Variants in TK1 observed in about 807,000 individuals in gnomAD.
TK1 encodes thymidine kinase 1.
In TK1, 13 loss-of-function variants were observed where a neutral mutation model predicts 22.4. That is an observed-to-expected ratio of 0.58 (90% CI 0.38 to 0.92). The LOEUF (loss-of-function observed/expected upper bound fraction) is 0.92, where lower values mean the gene tolerates loss of function less well. Ranked by LOEUF, TK1 falls within the 40% of genes least tolerant of loss-of-function variation. The probability of loss-of-function intolerance (pLI) is 0.00; values close to 1 mark genes in which losing one functional copy is unlikely to be tolerated. For synonymous variants in TK1, 134 were observed against 125.4 expected, an observed-to-expected ratio of 1.07 and a Z score of -0.46; for missense variants, 251 against 315.7, an observed-to-expected ratio of 0.80 and a Z score of 1.55.
chr17:78,181,290 G>A (rs954145039), intron 4 of TK1, among the ~76,000 whole-genome samples: 2 of 151,948 alleles, frequency 1.3e-5, no homozygotes, highest in Admixed American at 6.6e-5. Flanking sequence ...GCTCATGCCT[G>A]TAATTCCAAC....
In TK1 at chr17:78,185,053, A is replaced by T. The variant is rs1477862487; in HGVS notation, c.209+2T>A. ...ACAGGACTGCAGGGGGCAGGGACTG[A>T]CCGGTCATGTGTGCAGAAGCTGCTG... is the stretch of plus-strand genomic sequence containing the variant. On this transcript the variant is annotated splice_donor_variant, in intron 3 of 6. Transcript: ENST00000301634. LOFTEE classifies it high-confidence loss of function. The T allele has an allele frequency of 1.2e-6, 2 of 1,612,368 alleles. No homozygotes were observed. Among genetic ancestry groups the T allele is most frequent in the Non-Finnish European group, 1.7e-6 (2 of 1,179,394 alleles).
At chr17:78,187,071 C>A (rs2075813436), upstream of TK1, 5 of 1,465,136 alleles carry the variant, frequency 3.4e-6, no homozygotes, top group South Asian at 2.4e-5. Flanking sequence ...CCGCGCCGAC[C>A]GCTTTAAACC....
chr17:78,177,157 T>G (rs1373707110), intron 4 of TK1, among the ~76,000 whole-genome samples: 1 of 152,160 alleles, frequency 6.6e-6, no homozygotes, highest in Non-Finnish European at 1.5e-5. Context: ...CCTCCCAAAG[T>G]GCTGGGATCA....
At chr17:78,179,739 A>G in intron 4 of TK1, 1 of 985,366 alleles carries the variant, frequency 1.0e-6, no homozygotes, top group South Asian at 4.7e-5. Flanking sequence ...AGCACTCACC[A>G]AACCAACTCA....
intron 2 of TK1, 28 bp downstream of exon 2, chr17:78,186,759 C>T: frequency 6.4e-7 from 1 of 1,572,298 alleles, no homozygotes; most frequent in Non-Finnish European, 8.6e-7. Flanking sequence ...GAGGAAGGAG[C>T]TCCACCCCAG....
intron 4 of TK1, among the ~76,000 whole-genome samples, chr17:78,180,594 T>G (rs1252092522): frequency 6.6e-6 from 1 of 152,188 alleles, no homozygotes; most frequent in Non-Finnish European, 1.5e-5. Flanking sequence ...AGGAACATAA[T>G]GGAAGGAACA....
upstream of TK1, chr17:78,187,177 C>T (rs897246001): frequency 1.9e-5 from 17 of 894,266 alleles, no homozygotes; most frequent in Admixed American, 3.2e-4. Flanking sequence ...CAGCCCGCCC[C>T]CTCGTGGGAG....
intron 4 of TK1, among the ~76,000 whole-genome samples, chr17:78,177,299 C>T (rs982210265): frequency 1.3e-5 from 2 of 152,222 alleles, no homozygotes; most frequent in Non-Finnish European, 2.9e-5. Flanking sequence ...AATTCCACAC[C>T]TGACCTCATG....
Position 78,175,591 on chromosome 17 carries a change from CCTCGCAGAA to C in TK1, c.322_330del (p.Phe108_Glu110del), listed in dbSNP as rs2075693073. The stretch of plus-strand genomic sequence containing the variant: ...ACGGTCTTCCCGGCGTTGGCCATGG[CCTCGCAGAA>C]CTCCACGATGTCAGGGAACTGGAAA... On this transcript the variant is annotated inframe_deletion, in exon 5 of 7. Transcript: ENST00000301634. 1.2e-6 allele frequency: 2 copies of C among 1,613,694 alleles called. No individual in the cohort carries two copies. The highest frequency in any genetic ancestry group is 1.7e-6 in the Non-Finnish European group (2 of 1,179,850).
chr17:78,175,710 C>T lies in TK1; in HGVS notation c.304-92G>A, dbSNP rs991889585. ...GCGAAGACGCTGCCAGATCTGACAA[C>T]TCCGGCCATTTGGCCCGGAGTAACT... On this transcript the variant is annotated intron_variant, in intron 4 of 6. Transcript: ENST00000301634. 1.7e-5 allele frequency: 20 copies of T among 1,175,780 alleles called. No homozygotes were observed. The African/African-American group carries it at 2.8e-4, about 16-fold the overall frequency. 72.8% of individuals were successfully genotyped at this position (1,175,780 alleles called of 1,614,324 possible).
chr17:78,175,309 G>T, intron 5 of TK1, 140 bp from the exon 6 acceptor site: 1 of 1,294,172 alleles, frequency 7.7e-7, no homozygotes, highest in Non-Finnish European at 1.0e-6. Flanking sequence ...AGAGCACCAT[G>T]CCCGGCTCTG....
chr17:78,184,357 A>G (rs1038445858), intron 3 of TK1, among the ~76,000 whole-genome samples: 2 of 152,238 alleles, frequency 1.3e-5, no homozygotes, highest in Non-Finnish European at 2.9e-5. Context: ...TGTGTGGCAC[A>G]GCATGGCTTT....
At chr17:78,186,030 G>A (rs1278123064) in intron 2 of TK1, among the ~76,000 whole-genome samples, 1 of 152,130 alleles carries the variant, frequency 6.6e-6, no homozygotes, top group Admixed American at 6.6e-5. Context: ...GGATGCTGAA[G>A]TAGGAGGATT....
At chr17:78,181,150 A>C (rs2075734788) in intron 4 of TK1, among the ~76,000 whole-genome samples, 2 of 152,300 alleles carry the variant, frequency 1.3e-5, no homozygotes, top group South Asian at 4.1e-4. Flanking sequence ...CGGAAGGATG[A>C]GGCAGAACTG....
chr17:78,186,568 C>G (rs2145832363), intron 2 of TK1, among the ~76,000 whole-genome samples: 1 of 151,788 alleles, frequency 6.6e-6, no homozygotes, highest in East Asian at 2.0e-4. Flanking sequence ...GGGGCTTGGC[C>G]TGGGCAGAAG....
chr17:78,184,141 T>C (rs1232145024), intron 3 of TK1, among the ~76,000 whole-genome samples: 1 of 152,230 alleles, frequency 6.6e-6, no homozygotes, highest in Non-Finnish European at 1.5e-5. Flanking sequence ...GTAAATGACC[T>C]ACATCAGACA....
intron 4 of TK1, chr17:78,179,818 C>T (rs1279475324): frequency 2.1e-6 from 2 of 937,664 alleles, no homozygotes; most frequent in Non-Finnish European, 2.5e-6. Context: ...GCCTGTAATC[C>T]CAGCACTTTG....
At position 78,175,167 on chromosome 17, in the gene TK1, T is replaced by A; in HGVS notation, c.396A>T (p.Pro132=). The change falls in exon 6 of 7, where the codon CCA becomes CCT. Residue 132 remains proline (P), a splice_region_variant and synonymous_variant. Coordinates refer to ENST00000301634, the MANE Select transcript of TK1 (RefSeq NM_003258.5). The part of the protein sequence containing the change: ...AALDGTFQRK[P]FGAILNLVPL... ...GCACCAGGTTCAGGATGGCCCCAAA[T>A]GGCTGCGCTCCCATGGAAAGACAGA... The A allele has an allele frequency of 6.2e-7, 1 of 1,601,838 alleles. No individual in the cohort carries two copies. Among genetic ancestry groups the A allele is most frequent in the South Asian group, 1.1e-5 (1 of 90,678 alleles).
At chr17:78,186,181 T>G (rs909993140) in intron 2 of TK1, among the ~76,000 whole-genome samples, 4 of 151,944 alleles carry the variant, frequency 2.6e-5, no homozygotes, top group Non-Finnish European at 2.9e-5. Flanking sequence ...GGTGAGAGAA[T>G]TGCTTGAGCC....
Sources: allele counts gnomAD v4.1 joint callset (sites outside exome capture counted in the v4.1 genomes callset), GRCh38; gene constraint gnomAD v4.1.1; transcripts MANE v1.5; gene names NCBI Gene and HGNC (gene_info 2026-07-23, HGNC 2026-07-21).